Variants in ACTR3 observed in about 807,000 individuals in gnomAD.
ACTR3 encodes the protein actin related protein 3.
A neutral mutation model predicts 56.8 loss-of-function variants in ACTR3; 12 were observed. The observed-to-expected ratio is 0.21, with a 90% CI of 0.14 to 0.34. The LOEUF is 0.34. ACTR3 is among the 10% of genes least tolerant of loss of function. The pLI is 1.00. For synonymous variants in ACTR3, 162 were observed against 167.4 expected (o/e 0.97, Z 0.25); for missense variants, 282 against 512.5 (o/e 0.55, Z 4.34).
At chr2:113,937,098 T>C (rs1289519685) in intron 6 of ACTR3, among the ~76,000 whole-genome samples, 1 of 152,140 alleles carries the variant, frequency 6.6e-6, no homozygotes, top group Non-Finnish European at 1.5e-5. Flanking sequence ...AGCAAAAAGT[T>C]ATCTTTAAAA....
intron 8 of ACTR3, among the ~76,000 whole-genome samples, chr2:113,945,141 T>C (rs2104622738): frequency 6.6e-6 from 1 of 152,316 alleles, no homozygotes; most frequent in Admixed American, 6.5e-5. Context: ...GTGGTCAGAC[T>C]AGTATACTGG....
chr2:113,951,556 A>G lies in ACTR3; in HGVS notation c.936A>G (p.Arg312=). The G allele has an allele frequency of 1.2e-6, 2 of 1,611,632 alleles. No individual in the cohort carries two copies. The highest frequency in any genetic ancestry group is 1.7e-6 in the Non-Finnish European group (2 of 1,177,948). Residue 312 remains arginine, a synonymous_variant, in exon 9 of 12, where the codon AGA becomes AGG. Coordinates refer to ENST00000263238, the MANE Select transcript of ACTR3 (RefSeq NM_005721.5). ...EVIQNCPIDV[R]RPLYKNIVLS... is the part of the protein sequence containing the mutation. ...TTCAGAATTGTCCTATTGATGTCAG[A>G]CGTCCTCTCTACAAGGTATTTATAG...
At chr2:113,890,044 G>T (rs1202098145), upstream of ACTR3, 4 of 596,050 alleles carry the variant, frequency 6.7e-6, no homozygotes, top group African/African-American at 5.7e-5. Flanking sequence ...GAGAGAGGGG[G>T]AGGAGGCCGC....
At chr2:113,936,142 AT>A (rs2104614044) in intron 6 of ACTR3, among the ~76,000 whole-genome samples, 1 of 152,116 alleles carries the variant, frequency 6.6e-6, no homozygotes, top group African/African-American at 2.4e-5. Context: ...AAATGCAAAA[AT>A]TAATTGAACG....
intron 6 of ACTR3, 54 bp downstream of exon 6, chr2:113,934,440 G>T: frequency 2.6e-6 from 3 of 1,158,954 alleles, no homozygotes; most frequent in African/African-American, 1.6e-5. Flanking sequence ...ATCTGGCAAA[G>T]TTAAATTATA....
intron 4 of ACTR3, among the ~76,000 whole-genome samples, chr2:113,928,856 A>G (rs532044161): frequency 6.6e-6 from 1 of 152,308 alleles, no homozygotes; most frequent in Admixed American, 6.5e-5. Context: ...AAGTTTTCTC[A>G]TGCCCTTTTG....
rs556875977 is a variant in ACTR3, at chr2:113,960,399, A to G, written c.*2944A>G. 1 of 152,158 alleles carries G rather than the reference A, an allele frequency of 6.6e-6. No individual in the cohort carries two copies. The highest frequency in any genetic ancestry group is 2.4e-5 in the African/African-American group (1 of 41,558). 9.4% of individuals were successfully genotyped at this position (152,158 alleles called of 1,614,324 possible). ...AAAAGATTAAAATAACTATTCTTGC[A>G]GATATTTCTAGGAATATTTTTAGAA... On this transcript the variant is annotated 3_prime_UTR_variant, in exon 12 of 12. Transcript: ENST00000263238.
intron 8 of ACTR3, among the ~76,000 whole-genome samples, chr2:113,947,247 A>C (rs1287304742): frequency 1.3e-5 from 2 of 152,258 alleles, no homozygotes; most frequent in African/African-American, 4.8e-5. Context: ...AATGTCCTGC[A>C]TGAATAGGAT....
At chr2:113,938,842 C>G (rs1679874547) in intron 6 of ACTR3, among the ~76,000 whole-genome samples, 1 of 152,128 alleles carries the variant, frequency 6.6e-6, no homozygotes, top group Admixed American at 6.5e-5. Flanking sequence ...GCCTTTCTGA[C>G]CTTTAAATTC....
At chr2:113,896,553 T>G (rs1423710129) in intron 1 of ACTR3, among the ~76,000 whole-genome samples, 1 of 152,236 alleles carries the variant, frequency 6.6e-6, no homozygotes, top group Non-Finnish European at 1.5e-5. Context: ...TGTTGTTGAA[T>G]TTGGAATGAT....
chr2:113,890,586 G>T, intron 1 of ACTR3: 1 of 1,356,362 alleles, frequency 7.4e-7, no homozygotes, highest in Non-Finnish European at 9.4e-7. Context: ...GACCCCTCCC[G>T]GCCCTTCCCC....
At chr2:113,945,064 T>C (rs932845602) in intron 8 of ACTR3, among the ~76,000 whole-genome samples, 3 of 152,142 alleles carry the variant, frequency 2.0e-5, no homozygotes, top group Non-Finnish European at 2.9e-5. Flanking sequence ...TTGGAGATCA[T>C]GATGAAATGA....
intron 1 of ACTR3, among the ~76,000 whole-genome samples, chr2:113,911,306 T>A (rs1021606326): frequency 5.3e-5 from 8 of 151,814 alleles, no homozygotes; most frequent in South Asian, 2.1e-4. Context: ...TTTTTTTTTT[T>A]AAAACGTGAA....
At chr2:113,897,567 C>T (rs1220007264) in intron 1 of ACTR3, among the ~76,000 whole-genome samples, 2 of 145,992 alleles carry the variant, frequency 1.4e-5, no homozygotes, top group Admixed American at 1.4e-4. Flanking sequence ...TGCTCTGTCA[C>T]CCAGGCTAGA....
chr2:113,954,656 A>T (rs1680178764), intron 10 of ACTR3: 2 of 148,020 alleles, frequency 1.4e-5, no homozygotes, highest in African/African-American at 5.0e-5. Context: ...ATGCAGCCAC[A>T]TCTTTTTTTT....
In ACTR3 at chr2:113,951,827, G is replaced by C; in HGVS notation, c.1059G>C (p.Leu353Phe). The C allele has an allele frequency of 6.2e-7, 1 of 1,613,462 alleles. No homozygotes were observed. Among genetic ancestry groups the C allele is most frequent in the Non-Finnish European group, 8.5e-7 (1 of 1,179,472 alleles). Residue 353 changes from leucine (L) to phenylalanine (F), a missense_variant, in exon 10 of 12, where the codon TTG becomes TTC. Leu to Phe is a conservative substitution (Grantham distance 22). Coordinates refer to ENST00000263238, the MANE Select transcript of ACTR3 (RefSeq NM_005721.5). ...VDARLKLSEELSGGRLKPKPI... is the reference protein window; with the variant it reads ...VDARLKLSEEFSGGRLKPKPI... Reference sequence around the variant, plus strand: ...CCCGGCTGAAATTAAGTGAGGAATTGAGTGGTGGTAGATTGAAGGTTGGTT... The same window carrying C: ...CCCGGCTGAAATTAAGTGAGGAATTCAGTGGTGGTAGATTGAAGGTTGGTT...
At chr2:113,893,126 A>G (rs774531534) in intron 1 of ACTR3, among the ~76,000 whole-genome samples, 13 of 152,098 alleles carry the variant, frequency 8.5e-5, no homozygotes, top group Non-Finnish European at 1.6e-4. Context: ...AAATAACAGA[A>G]CTCAAACCTG....
chr2:113,914,874 T>A (rs1279788339), intron 2 of ACTR3, among the ~76,000 whole-genome samples: 2 of 152,204 alleles, frequency 1.3e-5, no homozygotes, highest in Non-Finnish European at 2.9e-5. Context: ...CATTCGTGTG[T>A]CTAGTGGCCT....
chr2:113,917,055 G>A lies in ACTR3; in HGVS notation c.225+47G>A, dbSNP rs1472339223. The A allele has an allele frequency of 3.3e-6, 5 of 1,518,320 alleles. 1 individual carries two copies. In the South Asian group the frequency reaches 6.2e-5, roughly 19 times the overall value. The allele number at this position is 1,518,320 out of a possible 1,614,324, so 94.1% of individuals were successfully genotyped here. A position where few individuals can be genotyped will look rare whatever the true frequency, so the allele number is the denominator to read the frequency against. On this transcript the variant is annotated intron_variant, in intron 3 of 11. Transcript: ENST00000263238. ...AAATAACATTTTCAAAAAATAGTTT[G>A]TTCGATGCTTGTGCCCTCTGGAATT...
Sources: allele counts gnomAD v4.1 joint callset (sites outside exome capture counted in the v4.1 genomes callset), GRCh38; gene constraint gnomAD v4.1.1; transcripts MANE v1.5; gene names NCBI Gene and HGNC (gene_info 2026-07-23, HGNC 2026-07-21).